The following SHROOM2 variants were observed in gnomAD, a reference collection of about 807,000 sequenced individuals.
SHROOM2 encodes the protein shroom family member 2.
SHROOM2 carries 33 observed loss-of-function variants against 75.9 expected under a neutral mutation model. The observed-to-expected ratio is 0.43, with a 90% confidence interval of 0.33 to 0.58. The LOEUF (loss-of-function observed/expected upper bound fraction) is 0.58, where lower values mean the gene tolerates loss of function less well. SHROOM2 is among the 20% of genes least tolerant of loss of function. The pLI is 0.04. For synonymous variants in SHROOM2, 655 were observed against 663.6 expected (o/e 0.99, Z 0.20); for missense variants, 1,434 against 1,461.2 (o/e 0.98, Z 0.30).
chrX:9,946,415 G>A (rs1408795761), intron 9 of SHROOM2, among the ~76,000 whole-genome samples: 1 of 112,838 alleles, frequency 8.9e-6, no homozygotes. Flanking sequence ...GTCAGGCTCA[G>A]ACAGCAAGAG....
At chrX:9,811,257 G>A (rs2083790052) in intron 1 of SHROOM2, among the ~76,000 whole-genome samples, 1 of 111,869 alleles carries the variant, frequency 8.9e-6, no homozygotes, top group African/African-American at 3.3e-5. Flanking sequence ...CCATAGCCAG[G>A]TCAGCCTTGG....
chrX:9,830,334 C>T lies in SHROOM2; in HGVS notation c.166-43318C>T, dbSNP rs141159149. Among the ~76,000 whole-genome samples the T allele has an allele frequency of 3.8e-3, 420 of 111,029 alleles. 5 individuals carry two copies. The highest frequency in any genetic ancestry group is 0.013 in the African/African-American group (396 of 30,556). On this transcript the variant is annotated intron_variant, in intron 1 of 9. Coordinates refer to ENST00000380913, the MANE Select transcript of SHROOM2 (RefSeq NM_001649.4). ...CTTGAATCTCTTTTTGCCATGTACA[C>T]GGAGCAGGGGGAGTGCTGGCGCCTG...
intron 5 of SHROOM2, among the ~76,000 whole-genome samples, chrX:9,921,681 G>A (rs1052245104): frequency 3.6e-5 from 4 of 111,944 alleles, no homozygotes; most frequent in African/African-American, 9.8e-5. Context: ...AATTCTTCAC[G>A]TAAGTGGGAC....
chrX:9,813,104 A>G (rs566558132), intron 1 of SHROOM2, among the ~76,000 whole-genome samples: 19 of 112,056 alleles, frequency 1.7e-4, no homozygotes, highest in African/African-American at 4.2e-4. Flanking sequence ...AATTTCTGCA[A>G]TCCTTCTGGG....
intron 8 of SHROOM2, among the ~76,000 whole-genome samples, chrX:9,944,336 A>G (rs911771954): frequency 1.8e-5 from 2 of 111,804 alleles, no homozygotes; most frequent in African/African-American, 6.5e-5. Flanking sequence ...TTCCAAAGAT[A>G]TGGGTTGAAA....
At chrX:9,833,026 A>G (rs1369656472) in intron 1 of SHROOM2, among the ~76,000 whole-genome samples, 1 of 110,588 alleles carries the variant, frequency 9.0e-6, no homozygotes, top group Non-Finnish European at 1.9e-5. Context: ...TGCCGGCACA[A>G]TGGAAAGTGC....
intron 5 of SHROOM2, among the ~76,000 whole-genome samples, chrX:9,930,288 G>A (rs765172805): frequency 1.8e-5 from 2 of 111,417 alleles, no homozygotes; most frequent in Non-Finnish European, 3.8e-5. Flanking sequence ...GGCCAAGGCA[G>A]GTGGATCCCT....
intron 1 of SHROOM2, among the ~76,000 whole-genome samples, chrX:9,787,481 TAA>T: frequency 8.9e-6 from 1 of 112,572 alleles, no homozygotes; most frequent in East Asian, 2.8e-4. Context: ...GTGTTCTAGT[TAA>T]AAGTGTGTAG....
intron 6 of SHROOM2, among the ~76,000 whole-genome samples, chrX:9,935,378 C>G (rs890280163): frequency 1.4e-4 from 15 of 109,043 alleles, no homozygotes; most frequent in African/African-American, 5.0e-4. Context: ...GGAGGTCTCA[C>G]TGTGTTACCT....
intron 1 of SHROOM2, among the ~76,000 whole-genome samples, chrX:9,865,829 A>G (rs1249472835): frequency 1.8e-5 from 2 of 109,208 alleles, no homozygotes; most frequent in Non-Finnish European, 3.8e-5. Flanking sequence ...CAAAGTGCTG[A>G]GATTACAAGC....
intron 1 of SHROOM2, among the ~76,000 whole-genome samples, chrX:9,852,148 A>G (rs1322082652): frequency 1.0e-5 from 1 of 97,664 alleles, no homozygotes; most frequent in Non-Finnish European, 2.1e-5. Context: ...TGAGCAATTC[A>G]CATACTTTGG....
intron 1 of SHROOM2, among the ~76,000 whole-genome samples, chrX:9,792,080 A>G (rs1166960931): frequency 9.6e-5 from 1 of 10,366 alleles, no homozygotes; most frequent in Admixed American, 1.9e-3. Context: ...AGAATAGAAT[A>G]GAATAGAATA....
rs192556739 is a variant in SHROOM2 at position 9,812,345 on chromosome X, C to T, written c.165+25635C>T. ...CAGAGCCTTCTCCAGTTCTGGACCC[C>T]ATTCAAAACTGGCAGCCTTTCGGGT... On this transcript the variant is annotated intron_variant, in intron 1 of 9. Transcript: ENST00000380913. 7.4e-3 allele frequency among the ~76,000 whole-genome samples: 822 copies of T among 111,824 alleles called. 12 individuals carry two copies. Among genetic ancestry groups the T allele is most frequent in the African/African-American group, 0.025 (775 of 30,868 alleles).
At chrX:9,913,362 A>C (rs1246777196) in intron 5 of SHROOM2, 1 of 112,321 alleles carries the variant, frequency 8.9e-6, no homozygotes, top group Non-Finnish European at 1.9e-5. Flanking sequence ...AGAAAATGGA[A>C]TCACCATGGT....
At chrX:9,900,824 C>G (rs2084361773) in intron 5 of SHROOM2, among the ~76,000 whole-genome samples, 1 of 110,888 alleles carries the variant, frequency 9.0e-6, no homozygotes, top group Non-Finnish European at 1.9e-5. Flanking sequence ...GCTCTTCTGT[C>G]CTGAACAGCC....
intron 1 of SHROOM2, among the ~76,000 whole-genome samples, chrX:9,806,115 C>T (rs1230166886): frequency 9.0e-6 from 1 of 110,509 alleles, no homozygotes; most frequent in Non-Finnish European, 1.9e-5. Context: ...GCCTCCAGAG[C>T]TATGAGCAAT....
chrX:9,940,939 TGA>T (rs1162893566), intron 8 of SHROOM2, among the ~76,000 whole-genome samples: 2 of 110,996 alleles, frequency 1.8e-5, no homozygotes, highest in African/African-American at 6.6e-5. Context: ...AGGACAGAGT[TGA>T]GAGAGTGGAA....
chrX:9,816,580 C>CCTGCTGCTGCTGCTGCTGCTGCTG lies in SHROOM2; in HGVS notation c.165+29879_165+29902dup, dbSNP rs112480338. Among the ~76,000 whole-genome samples, 705 of 102,542 alleles carry CCTGCTGCTGCTGCTGCTGCTGCTG rather than the reference C, an allele frequency of 6.9e-3. 2 individuals carry two copies. Among genetic ancestry groups the CCTGCTGCTGCTGCTGCTGCTGCTG allele is most frequent in the Middle Eastern group, 1.0e-2 (2 of 201 alleles). 89.0% of individuals were successfully genotyped at this position (102,542 alleles called of 115,157 possible). ...GTTTGTGGTTAGCTCAGCCTTACCC[C>CCTGCTGCTGCTGCTGCTGCTGCTG]CTGCTGCTGCTGCTGCTGCTGCTGC... On this transcript the variant is annotated intron_variant, in intron 1 of 9. Coordinates refer to ENST00000380913, the MANE Select transcript of SHROOM2 (RefSeq NM_001649.4).
At chrX:9,810,380 C>A (rs1333228518) in intron 1 of SHROOM2, among the ~76,000 whole-genome samples, 1 of 111,326 alleles carries the variant, frequency 9.0e-6, no homozygotes, top group Non-Finnish European at 1.9e-5. Flanking sequence ...TCCTGTATTG[C>A]ATGCATACTC....
Sources: gnomAD v4.1 joint callset for allele counts (sites outside exome capture counted in the v4.1 genomes callset) on GRCh38, gnomAD v4.1.1 for gene constraint, MANE v1.5 for transcripts, NCBI Gene and HGNC (gene_info 2026-07-23, HGNC 2026-07-21) for gene names.